ZC3H8: variants seen among roughly 807,000 people sequenced by gnomAD.
ZC3H8 encodes zinc finger CCCH domain-containing protein 8.
A neutral mutation model predicts 42.5 loss-of-function variants in ZC3H8; 27 were observed. The ratio of observed to expected loss-of-function variants is 0.64; its 90% confidence interval spans 0.47 to 0.88. ZC3H8 has a LOEUF of 0.88. ZC3H8 is among the 40% of genes least tolerant of loss of function. The probability of loss-of-function intolerance (pLI) is 0.00; values close to 1 mark genes in which losing one functional copy is unlikely to be tolerated. For synonymous variants in ZC3H8, 101 were observed against 110.1 expected (o/e 0.92, Z 0.52); for missense variants, 277 against 336.1 (o/e 0.82, Z 1.37).
intron 8 of ZC3H8, among the ~76,000 whole-genome samples, chr2:112,225,544 CA>C (rs1181450176): frequency 1.3e-5 from 2 of 152,220 alleles, no homozygotes; most frequent in Non-Finnish European, 2.9e-5. Context: ...TGGCCAGGCA[CA>C]GTGGCTCATG....
chr2:112,248,559 C>T (rs563846702), intron 2 of ZC3H8, among the ~76,000 whole-genome samples: 15 of 151,832 alleles, frequency 9.9e-5, no homozygotes, highest in Non-Finnish European at 1.5e-4. Context: ...GGCATGATAT[C>T]GGCTCACCGC....
rs1166711844 is a variant in ZC3H8 at position 112,213,775 on chromosome 2, CAAAAAAAAAAAAAAAAAAAAAAAA to C, written c.*2685_*2708del. The stretch of plus-strand genomic sequence containing the variant: ...TGGGCGACAGAGCGAGACTCCGTCT[CAAAAAAAAAAAAAAAAAAAAAAAA>C]AAAAAAAAAAAATTTAGTTCTACTA... On this transcript the variant is annotated 3_prime_UTR_variant, in exon 9 of 9. Coordinates refer to ENST00000409573, the MANE Select transcript of ZC3H8 (RefSeq NM_032494.3). 3 of 24,066 alleles carry C rather than the reference CAAAAAAAAAAAAAAAAAAAAAAAA, an allele frequency of 1.2e-4. No homozygotes were observed. Among genetic ancestry groups the C allele is most frequent in the African/African-American group, 4.0e-4 (2 of 5,024 alleles). 1.5% of individuals were successfully genotyped at this position (24,066 alleles called of 1,614,324 possible).
chr2:112,228,744 C>T (rs185024265), intron 8 of ZC3H8, among the ~76,000 whole-genome samples: 117 of 151,644 alleles, frequency 7.7e-4, no homozygotes, highest in African/African-American at 2.1e-3. Flanking sequence ...ATAAACTGTA[C>T]GACATCAAAA....
At chr2:112,254,764 G>A (rs1686067038) in intron 1 of ZC3H8, 144 bp downstream of exon 1, 2 of 930,718 alleles carry the variant, frequency 2.1e-6, no homozygotes, top group African/African-American at 1.7e-5. Flanking sequence ...GTCAGACGGT[G>A]GCGCCCGGCC....
At chr2:112,246,671 C>T (rs775364671) in intron 2 of ZC3H8, among the ~76,000 whole-genome samples, 2 of 152,192 alleles carry the variant, frequency 1.3e-5, no homozygotes, top group Non-Finnish European at 2.9e-5. Flanking sequence ...CTGCTTCTTA[C>T]AAGTGAACAA....
In ZC3H8 at chr2:112,213,298, G is replaced by C. The variant is rs1006661339; in HGVS notation, c.*3186C>G. The C allele has an allele frequency of 6.6e-6, 1 of 151,692 alleles. No homozygotes were observed. Among genetic ancestry groups the C allele is most frequent in the Non-Finnish European group, 1.5e-5 (1 of 67,942 alleles). The allele number at this position is 151,692 out of a possible 1,614,324, so 9.4% of individuals were successfully genotyped here. A position where few individuals can be genotyped will look rare whatever the true frequency, so the allele number is the denominator to read the frequency against. ...AGAAATCCTTGCACGTAACCCCCCA[G>C]TGGTTATGCTTATAAGAAACTAGTC... On this transcript the variant is annotated 3_prime_UTR_variant, in exon 9 of 9. Coordinates refer to ENST00000409573, the MANE Select transcript of ZC3H8 (RefSeq NM_032494.3).
intron 2 of ZC3H8, among the ~76,000 whole-genome samples, chr2:112,240,101 G>A (rs1685519219): frequency 6.6e-6 from 1 of 152,156 alleles, no homozygotes; most frequent in African/African-American, 2.4e-5. Context: ...TTGTCTCTAG[G>A]TCTTCAAGAA....
At chr2:112,233,454 A>G in intron 5 of ZC3H8, 83 bp from the exon 6 acceptor site, 1 of 911,644 alleles carries the variant, frequency 1.1e-6, no homozygotes, top group Non-Finnish European at 1.7e-6. Context: ...AACTTTAAAT[A>G]AGCAAATGAT....
chr2:112,222,660 T>A (rs570835164), intron 8 of ZC3H8, among the ~76,000 whole-genome samples: 1 of 152,242 alleles, frequency 6.6e-6, no homozygotes, highest in South Asian at 2.1e-4. Context: ...ATTTCACTTA[T>A]ATGAGATAAA....
At chr2:112,224,442 G>C (rs1207446742) in intron 8 of ZC3H8, among the ~76,000 whole-genome samples, 3 of 152,122 alleles carry the variant, frequency 2.0e-5, no homozygotes, top group Non-Finnish European at 4.4e-5. Flanking sequence ...AAAATTGCAG[G>C]ACACATTGTA....
intron 8 of ZC3H8, among the ~76,000 whole-genome samples, chr2:112,224,105 T>C (rs913549546): frequency 9.2e-5 from 14 of 152,166 alleles, no homozygotes; most frequent in Admixed American, 1.3e-4. Flanking sequence ...ATAATGCCAC[T>C]GCACTCCAGC....
At chr2:112,251,491 G>A (rs1685945747) in intron 1 of ZC3H8, among the ~76,000 whole-genome samples, 1 of 152,186 alleles carries the variant, frequency 6.6e-6, no homozygotes, top group Admixed American at 6.5e-5. Flanking sequence ...TGGAGTAGGA[G>A]GCAACCTCTC....
At chr2:112,252,583 T>A (rs1456886368) in intron 1 of ZC3H8, among the ~76,000 whole-genome samples, 1 of 152,180 alleles carries the variant, frequency 6.6e-6, no homozygotes, top group Admixed American at 6.5e-5. Flanking sequence ...TTTCGGCACC[T>A]ACCAGTTCCT....
intron 2 of ZC3H8, among the ~76,000 whole-genome samples, chr2:112,239,223 CTT>C (rs1393331185): frequency 6.6e-6 from 1 of 152,178 alleles, no homozygotes; most frequent in Admixed American, 6.5e-5. Flanking sequence ...ACAGCAATGA[CTT>C]AAAGCAATTT....
chr2:112,218,308 AC>A (rs1264859082), intron 8 of ZC3H8, among the ~76,000 whole-genome samples: 6 of 152,182 alleles, frequency 3.9e-5, no homozygotes, highest in Non-Finnish European at 8.8e-5. Context: ...AGGGAACTCT[AC>A]TCAAGGTTTA....
chr2:112,224,053 C>A (rs1272700976), intron 8 of ZC3H8, among the ~76,000 whole-genome samples: 1 of 152,164 alleles, frequency 6.6e-6, no homozygotes, highest in South Asian at 2.1e-4. Context: ...GCAGGAGAAT[C>A]GCTTCAGCCT....
At position 112,231,884 on chromosome 2, in the gene ZC3H8, A is replaced by C. The variant is rs770061992; in HGVS notation, c.797T>G (p.Phe266Cys). The part of the protein sequence containing the change: ...TKCYQGEYCK[F>C]SHAPLTPETQ... ...TTCAGGAGTCAGTGGAGCATGAGAA[A>C]ACTTGCAGTATTCTCCCTGATAACA... is the stretch of plus-strand genomic sequence containing the variant. Residue 266 changes from phenylalanine (F) to cysteine (C), a missense_variant, in exon 7 of 9, where the codon TTT becomes TGT. Transcript: ENST00000409573. 1 of 1,593,368 alleles carries C rather than the reference A, an allele frequency of 6.3e-7. No homozygotes were observed. Among genetic ancestry groups the C allele is most frequent in the South Asian group, 1.1e-5 (1 of 87,728 alleles).
Position 112,236,640 on chromosome 2 carries a change from C to T in ZC3H8, c.426G>A (p.Lys142=), listed in dbSNP as rs13389045. The T allele has an allele frequency of 1.2e-6, 2 of 1,613,950 alleles. No individual in the cohort carries two copies. Among genetic ancestry groups the T allele is most frequent in the Non-Finnish European group, 8.5e-7 (1 of 1,179,866 alleles). ...LKAGHKNGKQ[K]KMKRKWPGPG... ...GGCCAGGCCATTTTCGCTTCATTTT[C>T]TTCTGTTTGCCATTCTTGTGACCAG... The change falls in exon 4 of 9, where the codon AAG becomes AAA. Residue 142 remains lysine (K), a synonymous_variant. Transcript: ENST00000409573.
chr2:112,253,344 C>T (rs531231630), intron 1 of ZC3H8, among the ~76,000 whole-genome samples: 2 of 152,200 alleles, frequency 1.3e-5, no homozygotes, highest in African/African-American at 4.8e-5. Flanking sequence ...TCCCCAAGGC[C>T]GTAGCAGGTG....
Sources: gnomAD v4.1 joint callset for allele counts (sites outside exome capture counted in the v4.1 genomes callset) on GRCh38, gnomAD v4.1.1 for gene constraint, MANE v1.5 for transcripts, NCBI Gene and HGNC (gene_info 2026-07-23, HGNC 2026-07-21) for gene names.